The following TCF4 variants were observed in gnomAD, a reference collection of about 807,000 sequenced individuals.
TCF4 encodes SL3-3 enhancer factor 2.
A neutral mutation model predicts 82.1 loss-of-function variants in TCF4; 3 were observed. That is an observed-to-expected ratio of 0.04 (90% CI 0.02 to 0.09). The LOEUF is 0.09. Ranked by LOEUF, TCF4 falls within the 10% of genes least tolerant of loss-of-function variation. TCF4 has a pLI of 1.00. For synonymous variants in TCF4, 276 were observed against 309.6 expected (o/e 0.89, Z 1.14); for missense variants, 518 against 852.7 (o/e 0.61, Z 4.89).
intron 5 of TCF4, among the ~76,000 whole-genome samples, chr18:55,451,880 C>T (rs1486796891): frequency 6.6e-6 from 1 of 152,168 alleles, no homozygotes; most frequent in Non-Finnish European, 1.5e-5. Context: ...GTGGCTCACA[C>T]CTGTAATCCC....
At chr18:55,462,431 GA>G (rs1334680763) in intron 4 of TCF4, among the ~76,000 whole-genome samples, 6 of 152,058 alleles carry the variant, frequency 3.9e-5, no homozygotes, top group African/African-American at 1.4e-4. Flanking sequence ...AAAAAAGAGA[GA>G]CCTTGAAAGT....
In TCF4 at chr18:55,227,278, AATCT is replaced by A. The variant is rs1442277828; in HGVS notation, c.*753_*756del. 6.6e-6 allele frequency: 1 copy of A among 151,850 alleles called. No individual in the cohort carries two copies. The highest frequency in any genetic ancestry group is 1.5e-5 in the Non-Finnish European group (1 of 67,906). The allele number at this position is 151,850 out of a possible 1,614,324, so 9.4% of individuals were successfully genotyped here. On this transcript the variant is annotated 3_prime_UTR_variant, in exon 20 of 20. Coordinates refer to ENST00000354452, the MANE Select transcript of TCF4 (RefSeq NM_001083962.2). Reference sequence around the variant, plus strand: ...AAAAAAAAATCCATATTTACAGTAAAATCTTTCTTTTAAAAAAGTTAATCAGTAC... The same window carrying A: ...AAAAAAAAATCCATATTTACAGTAAATTCTTTTAAAAAAGTTAATCAGTAC...
intron 6 of TCF4, among the ~76,000 whole-genome samples, chr18:55,371,517 T>TAC (rs1383846121): frequency 5.9e-5 from 9 of 152,178 alleles, no homozygotes; most frequent in Non-Finnish European, 2.9e-5. Flanking sequence ...AAGGAGTGCT[T>TAC]CGGTGAGAGC....
intron 6 of TCF4, among the ~76,000 whole-genome samples, chr18:55,396,820 C>T (rs1356737362): frequency 1.3e-5 from 2 of 152,038 alleles, no homozygotes; most frequent in Admixed American, 6.6e-5. Flanking sequence ...GGTAAGGAAA[C>T]ATTAGAAACA....
intron 3 of TCF4, among the ~76,000 whole-genome samples, chr18:55,552,787 C>T (rs2097271510): frequency 6.6e-6 from 1 of 152,192 alleles, no homozygotes; most frequent in Non-Finnish European, 1.5e-5. Context: ...TCCATTGTTA[C>T]TCATAATATG....
At chr18:55,289,366 CATTGA>C (rs2064466626) in intron 8 of TCF4, among the ~76,000 whole-genome samples, 1 of 152,182 alleles carries the variant, frequency 6.6e-6, no homozygotes, top group Non-Finnish European at 1.5e-5. Context: ...TTACCAAATG[CATTGA>C]TGTGCATGTG....
chr18:55,327,214 C>T (rs891470312), intron 8 of TCF4, among the ~76,000 whole-genome samples: 1 of 151,892 alleles, frequency 6.6e-6, no homozygotes, highest in African/African-American at 2.4e-5. Context: ...AATATACACA[C>T]GTATCTGGAG....
chr18:55,619,037 G>T (rs2097715064), intron 2 of TCF4, among the ~76,000 whole-genome samples: 1 of 151,970 alleles, frequency 6.6e-6, no homozygotes, highest in Non-Finnish European at 1.5e-5. Context: ...TGAGATTAAG[G>T]TTATTCCTTC....
At chr18:55,632,724 T>C (rs1028617327) in intron 1 of TCF4, among the ~76,000 whole-genome samples, 5 of 152,230 alleles carry the variant, frequency 3.3e-5, no homozygotes, top group African/African-American at 4.8e-5. Flanking sequence ...TATTAGTTAA[T>C]TTGGCTGAAA....
At chr18:55,392,753 AGTGTGT>A (rs141446183) in intron 6 of TCF4, among the ~76,000 whole-genome samples, 1 of 151,850 alleles carries the variant, frequency 6.6e-6, no homozygotes, top group Non-Finnish European at 1.5e-5. Flanking sequence ...GTCTTATAAC[AGTGTGT>A]GTGTGTGTTT....
chr18:55,632,726 T>G (rs141333741), intron 1 of TCF4, among the ~76,000 whole-genome samples: 2 of 152,344 alleles, frequency 1.3e-5, no homozygotes, highest in East Asian at 3.9e-4. Context: ...TTAGTTAATT[T>G]GGCTGAAATT....
intron 10 of TCF4, among the ~76,000 whole-genome samples, chr18:55,273,797 T>C (rs569423569): frequency 6.6e-6 from 1 of 152,178 alleles, no homozygotes; most frequent in Non-Finnish European, 1.5e-5. Context: ...CTCTAGTTCA[T>C]AATATTGTTT....
intron 3 of TCF4, among the ~76,000 whole-genome samples, chr18:55,570,854 G>A (rs530830115): frequency 6.9e-6 from 1 of 143,954 alleles, no homozygotes; most frequent in East Asian, 2.1e-4. Flanking sequence ...TGCCCTCCAA[G>A]CCTGAGCAAC....
intron 3 of TCF4, among the ~76,000 whole-genome samples, chr18:55,577,356 T>A (rs563481555): frequency 3.5e-3 from 531 of 150,928 alleles, no homozygotes; most frequent in Middle Eastern, 0.017. Flanking sequence ...GCAAACAACA[T>A]CCCATCTCCA....
At chr18:55,241,723 G>A (rs1032534376) in intron 15 of TCF4, among the ~76,000 whole-genome samples, 30 of 152,188 alleles carry the variant, frequency 2.0e-4, no homozygotes, top group African/African-American at 7.2e-4. Context: ...CATGCTTACT[G>A]TAATATATTT....
chr18:55,539,933 T>C (rs1265311478), intron 3 of TCF4, among the ~76,000 whole-genome samples: 1 of 152,074 alleles, frequency 6.6e-6, no homozygotes, highest in Non-Finnish European at 1.5e-5. Flanking sequence ...TGCTTCCACT[T>C]GCGCACCGGA....
At chr18:55,404,144 C>T in intron 5 of TCF4, 1 of 563,546 alleles carries the variant, frequency 1.8e-6, no homozygotes, top group Non-Finnish European at 2.4e-6. Flanking sequence ...ATAGACCCAG[C>T]AGGACAAGGG....
intron 2 of TCF4, among the ~76,000 whole-genome samples, chr18:55,628,566 GA>G (rs1368444666): frequency 6.6e-6 from 1 of 151,688 alleles, no homozygotes; most frequent in Non-Finnish European, 1.5e-5. Flanking sequence ...AAAAGCCTTG[GA>G]AAAAAATTAA....
In TCF4 at chr18:55,633,942, G is replaced by T. The variant is rs1318885010; in HGVS notation, c.195+1761C>A. Among the ~76,000 whole-genome samples, 1 of 152,098 alleles carries T rather than the reference G, an allele frequency of 6.6e-6. No homozygotes were observed. The highest frequency in any genetic ancestry group is 1.5e-5 in the Non-Finnish European group (1 of 68,010). On this transcript the variant is annotated intron_variant, in intron 1 of 20. Coordinates refer to the TCF4 transcript ENST00000398339. This position sits in a 1 kb window ranked among gnomAD's most constrained non-coding sequence, Gnocchi z 4.0. ...ACAACAACAACGAAGTCCAGGTGCA[G>T]CAGGGAAGTTTAGGATCTAACAAAA...
Sources: allele counts gnomAD v4.1 joint callset (sites outside exome capture counted in the v4.1 genomes callset), GRCh38; gene constraint gnomAD v4.1.1; non-coding constraint Gnocchi (gnomAD v3.1); transcripts MANE v1.5; gene names NCBI Gene and HGNC (gene_info 2026-07-23, HGNC 2026-07-21).